PTPRZ1: variants seen among roughly 807,000 people sequenced by gnomAD.
PTPRZ1 encodes protein tyrosine phosphatase receptor type Z1.
In PTPRZ1, 82 loss-of-function variants were observed where a neutral mutation model predicts 214.1. The observed-to-expected ratio is 0.38, with a 90% CI of 0.32 to 0.46. PTPRZ1 has a LOEUF of 0.46. Ranked by LOEUF, PTPRZ1 falls within the 20% of genes least tolerant of loss-of-function variation. PTPRZ1 has a pLI of 1.00. For missense variants in PTPRZ1, 2,603 were observed against 2,748.7 expected, an observed-to-expected ratio of 0.95 and a Z score of 1.19; for synonymous variants, 945 against 987.9, an observed-to-expected ratio of 0.96 and a Z score of 0.81.
At chr7:121,952,918 A>G (rs913633480) in intron 2 of PTPRZ1, among the ~76,000 whole-genome samples, 8 of 152,198 alleles carry the variant, frequency 5.3e-5, no homozygotes, top group African/African-American at 1.9e-4. Flanking sequence ...AAGAAATGAG[A>G]TAGAAAAAAG....
chr7:121,908,597 C>T (rs902386445), intron 1 of PTPRZ1: 2 of 361,070 alleles, frequency 5.5e-6, no homozygotes, highest in Non-Finnish European at 1.1e-5. Flanking sequence ...CTGTAATGTT[C>T]TCTTTATTTC....
chr7:122,038,332 A>G (rs1011792063), intron 18 of PTPRZ1, among the ~76,000 whole-genome samples: 1 of 152,074 alleles, frequency 6.6e-6, no homozygotes, highest in African/African-American at 2.4e-5. Context: ...AGGAGGTTAC[A>G]CTCCAGATGC....
chr7:121,986,304 A>G (rs959924139), intron 8 of PTPRZ1, among the ~76,000 whole-genome samples: 2 of 152,206 alleles, frequency 1.3e-5, no homozygotes, highest in African/African-American at 4.8e-5. Context: ...CTAGAAAGGA[A>G]TGGAGTCAGT....
At chr7:122,052,804 C>T (rs2150490337) in intron 25 of PTPRZ1, among the ~76,000 whole-genome samples, 1 of 152,174 alleles carries the variant, frequency 6.6e-6, no homozygotes, top group Non-Finnish European at 1.5e-5. Flanking sequence ...GTCTGGACAC[C>T]AAAGTGGGAA....
intron 5 of PTPRZ1, 46 bp downstream of exon 5, chr7:121,976,314 C>T (rs1486526022): frequency 8.6e-7 from 1 of 1,161,148 alleles, no homozygotes; most frequent in Admixed American, 1.9e-5. Context: ...TTTTAAGTCA[C>T]ATTAAATATT....
intron 1 of PTPRZ1, chr7:121,908,575 T>C: frequency 2.9e-6 from 1 of 347,674 alleles, no homozygotes; most frequent in Middle Eastern, 4.1e-4. Flanking sequence ...TCTAGAATGG[T>C]ATCTTTTACG....
rs958191976 is a variant in PTPRZ1 at position 122,028,599 on chromosome 7, C to G, written c.5036C>G (p.Pro1679Arg). The change falls in exon 14 of 30, where the codon CCT becomes CGT. Residue 1679 changes from proline to arginine, a missense_variant. Coordinates refer to ENST00000393386, the MANE Select transcript of PTPRZ1 (RefSeq NM_002851.3). ...TTTTACTTAGAGGACAGTACATCCCCTAGAGTTATATCCACACCTCCAACA... is the reference window on the plus strand; with the variant it reads ...TTTTACTTAGAGGACAGTACATCCCGTAGAGTTATATCCACACCTCCAACA... The part of the protein sequence containing the change: ...AHFYLEDSTS[P>R]RVISTPPTPI... 4 of 1,550,512 alleles carry G rather than the reference C, an allele frequency of 2.6e-6. No homozygotes were observed. The highest frequency in any genetic ancestry group is 3.6e-6 in the Non-Finnish European group (4 of 1,122,504).
intron 13 of PTPRZ1, among the ~76,000 whole-genome samples, chr7:122,025,546 G>T (rs962048826): frequency 1.3e-5 from 2 of 151,996 alleles, no homozygotes; most frequent in African/African-American, 4.8e-5. Context: ...GGTCAGACTG[G>T]TCTTGAACTC....
chr7:121,997,508 T>A, intron 9 of PTPRZ1, among the ~76,000 whole-genome samples: 1 of 152,170 alleles, frequency 6.6e-6, no homozygotes, highest in Non-Finnish European at 1.5e-5. Context: ...GAAAAAGAGA[T>A]AACTTAGTTG....
In PTPRZ1 at chr7:122,004,686, A is replaced by G. The variant is rs1202961246; in HGVS notation, c.1287+26A>G. The stretch of plus-strand genomic sequence containing the variant: ...GTATCATAGCCATTTTTATATTCAA[A>G]TGTTTTAATATTAAATGGTCTATTT... On this transcript the variant is annotated intron_variant, in intron 11 of 29. Transcript: ENST00000393386. The G allele has an allele frequency of 1.2e-5, 15 of 1,220,554 alleles. No individual in the cohort carries two copies. In the East Asian group the frequency reaches 3.6e-4, roughly 30 times the overall value. 75.6% of individuals were successfully genotyped at this position (1,220,554 alleles called of 1,614,324 possible).
intron 27 of PTPRZ1, among the ~76,000 whole-genome samples, chr7:122,058,222 CA>C (rs910553914): frequency 1.3e-5 from 2 of 151,824 alleles, no homozygotes; most frequent in Non-Finnish European, 2.9e-5. Flanking sequence ...AAAAAGGTAT[CA>C]TTTTTTTAAA....
intron 10 of PTPRZ1, among the ~76,000 whole-genome samples, chr7:122,001,642 C>T (rs1194660643): frequency 7.2e-5 from 11 of 152,180 alleles, no homozygotes; most frequent in African/African-American, 2.7e-4. Context: ...CACTGTGAAA[C>T]TTGGCTTATC....
chr7:121,879,702 A>G (rs1794173723), intron 1 of PTPRZ1, among the ~76,000 whole-genome samples: 1 of 152,158 alleles, frequency 6.6e-6, no homozygotes, highest in African/African-American at 2.4e-5. Context: ...AGGAGTCAAA[A>G]GCAGAAAAAA....
At chr7:121,981,600 G>C (rs963917867) in intron 6 of PTPRZ1, among the ~76,000 whole-genome samples, 3 of 152,222 alleles carry the variant, frequency 2.0e-5, no homozygotes, top group African/African-American at 7.2e-5. Context: ...ATTGCTATTG[G>C]TAAGTGCTAT....
intron 10 of PTPRZ1, 118 bp downstream of exon 10, chr7:121,998,124 T>C (rs1479875355): frequency 1.6e-6 from 2 of 1,218,766 alleles, no homozygotes; most frequent in African/African-American, 3.2e-5. Flanking sequence ...TGATTTTCTC[T>C]TAAGTCTGGA....
chr7:121,939,381 T>C lies in PTPRZ1; in HGVS notation c.124+11160T>C, dbSNP rs563517305. Among the ~76,000 whole-genome samples the C allele has an allele frequency of 8.5e-5, 13 of 152,348 alleles. No individual in the cohort carries two copies. The Middle Eastern group carries it at 0.01, about 120-fold the overall frequency. On this transcript the variant is annotated intron_variant, in intron 2 of 29. Transcript: ENST00000393386. Reference sequence around the variant, plus strand: ...AAACTTGGCATATGCCAAAATATATTACCTCTAAACTCTGTAGTTTCCATT... The same window carrying C: ...AAACTTGGCATATGCCAAAATATATCACCTCTAAACTCTGTAGTTTCCATT...
intron 2 of PTPRZ1, among the ~76,000 whole-genome samples, chr7:121,951,951 A>C (rs1796552407): frequency 2.0e-5 from 1 of 50,506 alleles, no homozygotes; most frequent in Non-Finnish European, 5.1e-5. Flanking sequence ...ATGCGAGTGT[A>C]TTTATTTATT....
In PTPRZ1 at chr7:122,040,872, G is replaced by C. The variant is rs1387072489; in HGVS notation, c.5694G>C (p.Gln1898His). 1 of 1,606,482 alleles carries C rather than the reference G, an allele frequency of 6.2e-7. No individual in the cohort carries two copies. The highest frequency in any genetic ancestry group is 8.5e-7 in the Non-Finnish European group (1 of 1,174,520). Residue 1898 changes from glutamine to histidine, a missense_variant, in exon 21 of 30, where the codon CAG becomes CAC. By Grantham distance (24) the Gln-to-His change is conservative. Around this residue, in one of 6 missense-constraint regions of PTPRZ1, gnomAD observed 1,913 missense variants for 1,914.3 expected, o/e 1.00. Coordinates refer to ENST00000393386, the MANE Select transcript of PTPRZ1 (RefSeq NM_002851.3). ...GRVVTQYHYT[Q>H]WPDMGVPEYS... is the part of the protein sequence containing the mutation. ...TGGTCACACAGTATCACTACACGCAGTGGCCTGACATGGGAGTACCAGAGT... is the reference window on the plus strand; with the variant it reads ...TGGTCACACAGTATCACTACACGCACTGGCCTGACATGGGAGTACCAGAGT...
chr7:122,053,443 C>T (rs945078585), intron 25 of PTPRZ1, among the ~76,000 whole-genome samples: 16 of 152,018 alleles, frequency 1.1e-4, no homozygotes, highest in African/African-American at 3.6e-4. Flanking sequence ...GTGGATGGGA[C>T]GATGTAGAAC....
Sources: gnomAD v4.1 joint callset for allele counts (sites outside exome capture counted in the v4.1 genomes callset) on GRCh38, gnomAD v4.1.1 for gene constraint, gnomAD v4.1.1 regional missense constraint, MANE v1.5 for transcripts, NCBI Gene and HGNC (gene_info 2026-07-23, HGNC 2026-07-21) for gene names.